Variants in CHEK1 observed in about 807,000 individuals in gnomAD.
CHEK1 encodes serine/threonine-protein kinase Chk1.
CHEK1 carries 32 observed loss-of-function variants against 60.2 expected under a neutral mutation model. The ratio of observed to expected loss-of-function variants is 0.53; its 90% confidence interval spans 0.40 to 0.71. CHEK1 has a LOEUF of 0.71. Ranked by LOEUF, CHEK1 falls within the 30% of genes least tolerant of loss-of-function variation. CHEK1 has a pLI of 0.00. For synonymous variants in CHEK1, 179 were observed against 187.2 expected (o/e 0.96, Z 0.36); for missense variants, 399 against 564.6 (o/e 0.71, Z 2.97).
At chr11:125,681,060 CT>C, downstream of CHEK1, 4 of 115,826 alleles carry the variant, frequency 3.5e-5, no homozygotes, top group East Asian at 1.3e-4. The surrounding 1 kb of genome is among the most constrained non-coding windows in gnomAD (Gnocchi z 4.2). Context: ...TCTGCCCTAT[CT>C]TTAAAAAAAA....
At chr11:125,657,435 T>C (rs1171402993), downstream of CHEK1, among the ~76,000 whole-genome samples, 1 of 152,180 alleles carries the variant, frequency 6.6e-6, no homozygotes, top group East Asian at 1.9e-4. Context: ...AAGAACTTCC[T>C]ATATGCAGTC....
At chr11:125,634,841 A>G (rs552587174) in intron 6 of CHEK1, among the ~76,000 whole-genome samples, 2 of 152,342 alleles carry the variant, frequency 1.3e-5, no homozygotes, top group South Asian at 4.1e-4. Flanking sequence ...TTATAATCCC[A>G]AAGATTTTTT....
At chr11:125,678,156 A>G, downstream of CHEK1, 1 of 1,614,180 alleles carries the variant, frequency 6.2e-7, no homozygotes, top group Non-Finnish European at 8.5e-7. Flanking sequence ...ATGCTCACTT[A>G]AAGTGTTCAG....
At chr11:125,675,042 C>T (rs1234977841) in intron 13 of CHEK1, among the ~76,000 whole-genome samples, 1 of 152,224 alleles carries the variant, frequency 6.6e-6, no homozygotes, top group Admixed American at 6.5e-5. Flanking sequence ...TTAATCTTGA[C>T]TGCACATCGG....
At chr11:125,672,856 G>A in intron 13 of CHEK1, 1 of 1,123,344 alleles carries the variant, frequency 8.9e-7, no homozygotes, top group Non-Finnish European at 1.2e-6. Flanking sequence ...TCTTCTATTT[G>A]CTTCCTCTGG....
downstream of CHEK1, among the ~76,000 whole-genome samples, chr11:125,661,701 T>C (rs1942020309): frequency 6.6e-6 from 1 of 152,178 alleles, no homozygotes; most frequent in Non-Finnish European, 1.5e-5. Context: ...TTACTCTAGC[T>C]ATTACAATAT....
intron 8 of CHEK1, among the ~76,000 whole-genome samples, chr11:125,639,874 T>C (rs499950): frequency 0.32 from 48,361 of 151,998 alleles, 7,949 homozygotes; most frequent in East Asian, 0.42. Context: ...CAGGTCTTTC[T>C]CTTACCCACT....
chr11:125,628,409 T>C (rs1940713073), intron 3 of CHEK1, among the ~76,000 whole-genome samples: 1 of 152,182 alleles, frequency 6.6e-6, no homozygotes, highest in Non-Finnish European at 1.5e-5. Context: ...AAATTTATAA[T>C]TTAAAGCTAT....
intron 13 of CHEK1, among the ~76,000 whole-genome samples, chr11:125,663,752 A>C (rs927234778): frequency 6.6e-6 from 1 of 152,122 alleles, no homozygotes; most frequent in African/African-American, 2.4e-5. Flanking sequence ...GCCTATGTCA[A>C]AATGGTGTTT....
At chr11:125,650,491 T>C (rs1453877908) in intron 11 of CHEK1, among the ~76,000 whole-genome samples, 1 of 148,308 alleles carries the variant, frequency 6.7e-6, no homozygotes, top group Non-Finnish European at 1.5e-5. Context: ...AGCTTTGCTC[T>C]TGTTGCCCAG....
chr11:125,676,742 T>C (rs1418352821), downstream of CHEK1, among the ~76,000 whole-genome samples: 1 of 152,188 alleles, frequency 6.6e-6, no homozygotes, highest in Non-Finnish European at 1.5e-5. Context: ...CTGCATTGAC[T>C]TCCTGGGCAT....
chr11:125,655,389 A>G lies in CHEK1; in HGVS notation c.*69A>G. Reference sequence around the variant, plus strand: ...TATGTTGACATTATTCTTCCTAGAGAAGATTATCCTGTCCTGCAAACTGCA... The same window carrying G: ...TATGTTGACATTATTCTTCCTAGAGGAGATTATCCTGTCCTGCAAACTGCA... On this transcript the variant is annotated 3_prime_UTR_variant, in exon 13 of 13. Transcript: ENST00000438015. 8.9e-7 allele frequency: 1 copy of G among 1,128,340 alleles called. No homozygotes were observed. Among genetic ancestry groups the G allele is most frequent in the Non-Finnish European group, 1.3e-6 (1 of 763,062 alleles). The allele number at this position is 1,128,340 out of a possible 1,614,324, so 69.9% of individuals were successfully genotyped here.
At chr11:125,670,180 A>G (rs1017498076) in intron 13 of CHEK1, among the ~76,000 whole-genome samples, 3 of 152,242 alleles carry the variant, frequency 2.0e-5, no homozygotes, top group South Asian at 4.1e-4. Context: ...AATAATTTCC[A>G]TTGGTTCATT....
chr11:125,629,833 A>G (rs1368221002), intron 5 of CHEK1, among the ~76,000 whole-genome samples: 1 of 151,954 alleles, frequency 6.6e-6, no homozygotes, highest in African/African-American at 2.4e-5. Context: ...CAATCCTACC[A>G]TCTCAGCTTC....
At chr11:125,630,806 T>C (rs1489891381) in intron 5 of CHEK1, among the ~76,000 whole-genome samples, 1 of 152,184 alleles carries the variant, frequency 6.6e-6, no homozygotes, top group Non-Finnish European at 1.5e-5. Context: ...TATTCGTATA[T>C]AAGAATGCTC....
intron 7 of CHEK1, chr11:125,635,895 T>A (rs182269326): frequency 1.8e-3 from 300 of 163,988 alleles, no homozygotes; most frequent in Non-Finnish European, 2.8e-3. Context: ...TTCATCATTG[T>A]GTGAACATCA....
At chr11:125,663,256 T>G (rs1431130057) in intron 13 of CHEK1, among the ~76,000 whole-genome samples, 1 of 152,194 alleles carries the variant, frequency 6.6e-6, no homozygotes, top group East Asian at 1.9e-4. Context: ...TTTTCTTATA[T>G]GGATCATGTT....
At position 125,637,457 on chromosome 11, in the gene CHEK1, C is replaced by A. The variant is rs975304527; in HGVS notation, c.727C>A (p.His243Asn). The change falls in exon 8 of 13, where the codon CAT (histidine) becomes AAT (asparagine). Residue 243 changes from histidine (H) to asparagine (N), a missense_variant. By Grantham distance (68) the His-to-Asn change is moderately conservative. Around this residue, in one of 2 missense-constraint regions of CHEK1, gnomAD observed 370 missense variants for 494.8 expected, o/e 0.75. Transcript: ENST00000438015. ...KIDSAPLALLHKILVENPSAR... is the reference protein window; with the variant it reads ...KIDSAPLALLNKILVENPSAR... ...GTAATGTTTGTTTTTAGCTCTGCTGCATAAAATCTTAGTTGAGAATCCATC... is the reference window on the plus strand; with the variant it reads ...GTAATGTTTGTTTTTAGCTCTGCTGAATAAAATCTTAGTTGAGAATCCATC... The A allele has an allele frequency of 8.7e-6, 14 of 1,603,178 alleles. No individual in the cohort carries two copies. The highest frequency in any genetic ancestry group is 1.2e-5 in the Non-Finnish European group (14 of 1,174,452).
intron 12 of CHEK1, 57 bp from the exon 13 acceptor site, chr11:125,655,168 A>C: frequency 7.7e-7 from 1 of 1,293,304 alleles, no homozygotes. Flanking sequence ...ATTTTAGGAC[A>C]GAATTTTGTT....
Sources: allele counts gnomAD v4.1 joint callset (sites outside exome capture counted in the v4.1 genomes callset), GRCh38; gene constraint gnomAD v4.1.1; regional missense constraint gnomAD v4.1.1; non-coding constraint Gnocchi (gnomAD v3.1); transcripts MANE v1.5; gene names NCBI Gene and HGNC (gene_info 2026-07-23, HGNC 2026-07-21).